The following CUL2 variants were observed in gnomAD, a reference collection of about 807,000 sequenced individuals.
CUL2 encodes the protein cullin 2.
In CUL2, 22 loss-of-function variants were observed where a neutral mutation model predicts 110.2. The ratio of observed to expected loss-of-function variants is 0.20; its 90% CI spans 0.14 to 0.28. The LOEUF is 0.28. Among genes scored for constraint, CUL2 ranks in the 10% least tolerant of loss-of-function variants. The pLI is 1.00. For synonymous variants in CUL2, 279 were observed against 293.2 expected, an observed-to-expected ratio of 0.95 and a Z score of 0.49; for missense variants, 631 against 905.5, an observed-to-expected ratio of 0.70 and a Z score of 3.89.
intron 1 of CUL2, among the ~76,000 whole-genome samples, chr10:35,074,929 T>A (rs2086775739): frequency 6.6e-6 from 1 of 152,150 alleles, no homozygotes; most frequent in Non-Finnish European, 1.5e-5. Context: ...TTTCTGAGAG[T>A]GGGGACAATT....
chr10:35,075,735 C>T (rs1282201096), intron 1 of CUL2, among the ~76,000 whole-genome samples: 1 of 151,802 alleles, frequency 6.6e-6, no homozygotes, highest in African/African-American at 2.4e-5. Flanking sequence ...ATTTAATTAC[C>T]TGTTTCCAGA....
chr10:35,028,951 T>C, intron 15 of CUL2, 64 bp from the exon 16 acceptor site: 2 of 993,434 alleles, frequency 2.0e-6, no homozygotes, highest in South Asian at 1.6e-5. Context: ...AAAGTAAATA[T>C]TTATTAAATA....
chr10:35,025,340 AGAG>A, intron 16 of CUL2, 142 bp from the exon 17 acceptor site: 1 of 1,227,914 alleles, frequency 8.1e-7, no homozygotes, highest in Non-Finnish European at 1.1e-6. Context: ...CTTCTTTTAC[AGAG>A]GAGAAAGCAC....
intron 1 of CUL2, among the ~76,000 whole-genome samples, chr10:35,124,995 C>T (rs990184843): frequency 3.9e-5 from 6 of 152,154 alleles, no homozygotes; most frequent in Admixed American, 3.3e-4. Flanking sequence ...ACTGGACTAA[C>T]GTAAACATGA....
chr10:35,117,474 C>T (rs1162187960), intron 1 of CUL2, among the ~76,000 whole-genome samples: 1 of 151,664 alleles, frequency 6.6e-6, no homozygotes, highest in African/African-American at 2.4e-5. Context: ...AAGCAATTCT[C>T]CTGCCTCAGC....
intron 16 of CUL2, among the ~76,000 whole-genome samples, 176 bp downstream of exon 16, chr10:35,028,634 C>T (rs2490664): frequency 0.97 from 147,439 of 152,296 alleles, 71,560 homozygotes; most frequent in East Asian, 1. Context: ...ATTTTAGTAT[C>T]AATATTAGTA....
intron 4 of CUL2, among the ~76,000 whole-genome samples, chr10:35,059,500 AT>A (rs1282734224): frequency 6.6e-6 from 1 of 152,124 alleles, no homozygotes; most frequent in African/African-American, 2.4e-5. Context: ...AGTTGTGCAC[AT>A]TTTTTTAGAC....
intron 1 of CUL2, among the ~76,000 whole-genome samples, chr10:35,121,475 T>A (rs2135148825): frequency 6.6e-6 from 1 of 152,298 alleles, no homozygotes; most frequent in East Asian, 1.9e-4. Context: ...CTTTATGTTA[T>A]TAGCTAATGT....
At chr10:35,080,769 G>T (rs2086928093) in intron 1 of CUL2, among the ~76,000 whole-genome samples, 1 of 152,198 alleles carries the variant, frequency 6.6e-6, no homozygotes, top group Non-Finnish European at 1.5e-5. Flanking sequence ...ATTTCTAGTA[G>T]GTTTTTTACA....
At chr10:35,033,785 T>C (rs1438564849) in intron 10 of CUL2, among the ~76,000 whole-genome samples, 1 of 141,274 alleles carries the variant, frequency 7.1e-6, no homozygotes, top group Non-Finnish European at 1.6e-5. Context: ...AGAAAGAAAA[T>C]AGCTTGTCAT....
At chr10:35,065,480 G>A (rs1265810376) in intron 2 of CUL2, among the ~76,000 whole-genome samples, 7 of 152,146 alleles carry the variant, frequency 4.6e-5, no homozygotes, top group African/African-American at 1.7e-4. Flanking sequence ...ATTAGCCGGC[G>A]TGGTGACAGG....
At chr10:35,020,950 T>C (rs2085164204) in intron 17 of CUL2, among the ~76,000 whole-genome samples, 1 of 151,112 alleles carries the variant, frequency 6.6e-6, no homozygotes. Flanking sequence ...TATTCATTCT[T>C]TTTATTTTAT....
At chr10:35,030,554 T>A (rs1337948813) in intron 14 of CUL2, among the ~76,000 whole-genome samples, 2 of 152,120 alleles carry the variant, frequency 1.3e-5, no homozygotes, top group African/African-American at 4.8e-5. Flanking sequence ...AGCTAACTTT[T>A]GTATTTTTGG....
rs543640649 is a variant in CUL2 at position 35,063,056 on chromosome 10, G to C, written c.126C>G (p.Ile42Met). 6.6e-7 allele frequency: 1 copy of C among 1,517,742 alleles called. No individual in the cohort carries two copies. Among genetic ancestry groups the C allele is most frequent in the South Asian group, 1.2e-5 (1 of 86,356 alleles). 94.0% of individuals were successfully genotyped at this position (1,517,742 alleles called of 1,614,324 possible). ...RATWNDRFSD[I>M]YALCVAYPEP... ...CAGGATAGGCCACACATAAAGCATA[G>C]ATATCTCTAGTTAAATTATTAAGGT... The change falls in exon 3 of 21, where the codon ATC becomes ATG. Residue 42 changes from isoleucine to methionine, a missense_variant. Transcript: ENST00000374749.
intron 1 of CUL2, among the ~76,000 whole-genome samples, chr10:35,121,464 C>T (rs1589074234): frequency 1.3e-5 from 2 of 152,096 alleles, no homozygotes; most frequent in South Asian, 4.1e-4. Flanking sequence ...TGTATTAAAA[C>T]CTTTATGTTA....
intron 4 of CUL2, among the ~76,000 whole-genome samples, chr10:35,058,935 AG>A (rs1480565963): frequency 4.6e-5 from 7 of 152,286 alleles, no homozygotes; most frequent in Admixed American, 3.9e-4. Flanking sequence ...TGGATGAGTT[AG>A]GGGGTCAAGA....
At chr10:35,049,308 C>T (rs1188791601) in intron 6 of CUL2, among the ~76,000 whole-genome samples, 2 of 152,142 alleles carry the variant, frequency 1.3e-5, no homozygotes, top group East Asian at 3.8e-4. Context: ...AGAATGTCTT[C>T]CTCAATAGGT....
At chr10:35,121,236 T>A (rs1456996343) in intron 1 of CUL2, among the ~76,000 whole-genome samples, 2 of 152,206 alleles carry the variant, frequency 1.3e-5, no homozygotes, top group African/African-American at 4.8e-5. Context: ...ATTTATTTAT[T>A]TTTTTGGGAT....
At chr10:35,093,997 T>G (rs575039332), upstream of CUL2, among the ~76,000 whole-genome samples, 45 of 152,216 alleles carry the variant, frequency 3.0e-4, no homozygotes, top group African/African-American at 1.0e-3. Context: ...ATTTAAAAAT[T>G]TTTATCCTTT....
Sources: gnomAD v4.1 joint callset for allele counts (sites outside exome capture counted in the v4.1 genomes callset) on GRCh38, gnomAD v4.1.1 for gene constraint, MANE v1.5 for transcripts, NCBI Gene and HGNC (gene_info 2026-07-23, HGNC 2026-07-21) for gene names.